Variants in RFX4 observed in about 807,000 individuals in gnomAD.
RFX4 encodes the protein transcription factor RFX4.
Under a neutral mutation model 95.0 loss-of-function variants are expected in RFX4, and 10 were observed. That is an observed-to-expected ratio of 0.11 (90% confidence interval 0.06 to 0.18). The LOEUF (loss-of-function observed/expected upper bound fraction) is 0.18. Among genes scored for constraint, RFX4 ranks in the 10% least tolerant of loss-of-function variants. RFX4 has a pLI of 1.00. For missense variants in RFX4, 640 were observed against 922.0 expected (o/e 0.69, Z 3.96); for synonymous variants, 321 against 340.7 (o/e 0.94, Z 0.64).
At chr12:106,722,803 G>C (rs930622242) in intron 13 of RFX4, among the ~76,000 whole-genome samples, 1 of 152,150 alleles carries the variant, frequency 6.6e-6, no homozygotes, top group African/African-American at 2.4e-5. Context: ...AGTTAAAAGA[G>C]TTTGCAGCAG....
chr12:106,671,990 A>T (rs1054922777), intron 4 of RFX4, among the ~76,000 whole-genome samples: 1 of 152,146 alleles, frequency 6.6e-6, no homozygotes, highest in African/African-American at 2.4e-5. Flanking sequence ...GACAAAATGT[A>T]CTACCGAGTA....
intron 10 of RFX4, among the ~76,000 whole-genome samples, chr12:106,713,651 A>G (rs1016699051): frequency 2.6e-5 from 4 of 152,196 alleles, no homozygotes. Flanking sequence ...AGCCACTTTT[A>G]TTGAGTTCCC....
intron 8 of RFX4, among the ~76,000 whole-genome samples, chr12:106,708,477 A>T (rs893101665): frequency 2.0e-5 from 3 of 151,978 alleles, no homozygotes; most frequent in Admixed American, 6.6e-5. Context: ...CAGTGACCAG[A>T]GAGAAATGGG....
intron 3 of RFX4, among the ~76,000 whole-genome samples, chr12:106,642,358 G>A (rs1479117520): frequency 6.6e-6 from 1 of 151,588 alleles, no homozygotes; most frequent in African/African-American, 2.4e-5. Context: ...GCTCACGCCT[G>A]TAATCCCAGC....
At chr12:106,733,934 C>T (rs1005974261) in intron 15 of RFX4, among the ~76,000 whole-genome samples, 2 of 152,118 alleles carry the variant, frequency 1.3e-5, no homozygotes, top group African/African-American at 4.8e-5. Flanking sequence ...AGCGTCTTAT[C>T]GATGGATGAT....
intron 2 of RFX4, among the ~76,000 whole-genome samples, chr12:106,629,691 T>C (rs974715728): frequency 2.6e-5 from 4 of 152,110 alleles, no homozygotes; most frequent in African/African-American, 7.2e-5. Context: ...CTAAGGCTGG[T>C]TGAACTCCTG....
chr12:106,690,576 G>C (rs1360019103), intron 7 of RFX4, among the ~76,000 whole-genome samples: 1 of 146,908 alleles, frequency 6.8e-6, no homozygotes, highest in South Asian at 2.1e-4. Context: ...TGGAAGGCTG[G>C]TTGCTGGGGG....
intron 3 of RFX4, among the ~76,000 whole-genome samples, chr12:106,642,938 G>A (rs1274251383): frequency 1.3e-5 from 2 of 152,300 alleles, no homozygotes; most frequent in Non-Finnish European, 2.9e-5. Context: ...CAGCCTCCAC[G>A]CCCATAGGGG....
intron 16 of RFX4, among the ~76,000 whole-genome samples, chr12:106,749,553 C>T (rs1357005273): frequency 6.6e-6 from 1 of 152,114 alleles, no homozygotes; most frequent in East Asian, 1.9e-4. Flanking sequence ...TTAGAATAGA[C>T]TCTGAAAACT....
At chr12:106,617,192 G>C (rs34998821) in intron 2 of RFX4, among the ~76,000 whole-genome samples, 1 of 151,984 alleles carries the variant, frequency 6.6e-6, no homozygotes. Flanking sequence ...CTTTTCAAAG[G>C]TCCAACTTTT....
intron 15 of RFX4, 134 bp from the exon 16 acceptor site, chr12:106,747,303 C>G (rs910687115): frequency 7.7e-6 from 7 of 906,256 alleles, no homozygotes; most frequent in Non-Finnish European, 1.2e-5. Flanking sequence ...CTGGTGAGCT[C>G]AGCAGAGTCA....
chr12:106,737,475 G>A (rs1420446295), intron 15 of RFX4, among the ~76,000 whole-genome samples: 7 of 152,014 alleles, frequency 4.6e-5, no homozygotes, highest in Admixed American at 4.6e-4. Flanking sequence ...TATCATGGGA[G>A]CATGAAGGAG....
intron 8 of RFX4, among the ~76,000 whole-genome samples, chr12:106,697,780 CCT>C (rs1024931452): frequency 1.9e-4 from 29 of 152,152 alleles, no homozygotes; most frequent in Admixed American, 1.3e-3. Context: ...TTTCCCCACC[CCT>C]GTCTTATTGC....
At chr12:106,673,562 T>A (rs2041330985) in intron 4 of RFX4, among the ~76,000 whole-genome samples, 1 of 152,238 alleles carries the variant, frequency 6.6e-6, no homozygotes, top group South Asian at 2.1e-4. Context: ...TTAGCACATT[T>A]TTATAAAGTG....
At chr12:106,627,776 G>A (rs1487778774) in intron 2 of RFX4, among the ~76,000 whole-genome samples, 2 of 152,064 alleles carry the variant, frequency 1.3e-5, no homozygotes, top group South Asian at 2.1e-4. Context: ...GTTGTGGAGA[G>A]GAGAAGACTA....
At position 106,681,944 on chromosome 12, in the gene RFX4, T is replaced by G. The variant is rs749058234; in HGVS notation, c.316-49T>G. On this transcript the variant is annotated intron_variant, in intron 4 of 17. Transcript: ENST00000392842. ...GGCTATTTGTAAAACTCAGTCACTATGCTCCCAACTCTTCCCAATGGGTAA... is the reference window on the plus strand; with the variant it reads ...GGCTATTTGTAAAACTCAGTCACTAGGCTCCCAACTCTTCCCAATGGGTAA... 20 of 1,598,628 alleles carry G rather than the reference T, an allele frequency of 1.3e-5. No homozygotes were observed. In the Admixed American group the frequency reaches 2.0e-4, roughly 16 times the overall value.
At chr12:106,760,565 G>A (rs1231944666) in intron 17 of RFX4, among the ~76,000 whole-genome samples, 7 of 152,204 alleles carry the variant, frequency 4.6e-5, no homozygotes, top group Admixed American at 1.3e-4. Context: ...TCTTCCAGGA[G>A]TTCAGTGAAT....
intron 4 of RFX4, among the ~76,000 whole-genome samples, chr12:106,672,529 T>G (rs1367089432): frequency 6.6e-6 from 1 of 152,226 alleles, no homozygotes; most frequent in Non-Finnish European, 1.5e-5. Context: ...TGCCTGCCTG[T>G]CTGCTCATTT....
intron 2 of RFX4, among the ~76,000 whole-genome samples, chr12:106,629,548 G>A (rs1408489896): frequency 2.0e-5 from 3 of 151,998 alleles, no homozygotes; most frequent in African/African-American, 4.8e-5. Flanking sequence ...TGGTGTAATC[G>A]TGGCTCACTG....
Sources: allele counts gnomAD v4.1 joint callset (sites outside exome capture counted in the v4.1 genomes callset), GRCh38; gene constraint gnomAD v4.1.1; transcripts MANE v1.5; gene names NCBI Gene and HGNC (gene_info 2026-07-23, HGNC 2026-07-21).